Variants in PCDHGA12 observed in about 807,000 individuals in gnomAD.
PCDHGA12 encodes protocadherin gamma-A12.
In PCDHGA12, 43 loss-of-function variants were observed where a neutral mutation model predicts 61.1. The ratio of observed to expected loss-of-function variants is 0.70; its 90% CI spans 0.55 to 0.91. The LOEUF (loss-of-function observed/expected upper bound fraction) is 0.91, where lower values mean the gene tolerates loss of function less well. Among genes scored for constraint, PCDHGA12 ranks in the 40% least tolerant of loss-of-function variants. The pLI is 0.00. For missense variants in PCDHGA12, 1,236 were observed against 1,227.7 expected, an observed-to-expected ratio of 1.01 and a Z score of -0.10; for synonymous variants, 520 against 542.9, an observed-to-expected ratio of 0.96 and a Z score of 0.59.
chr5:141,460,224 T>C (rs986301555), intron 1 of PCDHGA12, among the ~76,000 whole-genome samples: 1 of 152,168 alleles, frequency 6.6e-6, no homozygotes, highest in African/African-American at 2.4e-5. Context: ...GTTGTGTCTT[T>C]TGAAGAGCAG....
At position 141,431,418 on chromosome 5, in the gene PCDHGA12, C is replaced by G. The variant is rs571505529; in HGVS notation, c.659C>G (p.Pro220Arg). The change falls in exon 1 of 4, where the codon CCG becomes CGG. Residue 220 changes from proline (P) to arginine (R), a missense_variant. Transcript: ENST00000252085. The surrounding 1 kb of genome is among the most constrained non-coding windows in gnomAD (Gnocchi z 4.8). ...LVLTASDGGD[P>R]VRTGTARIRV... ...CTTACGGCCTCCGACGGGGGCGACC[C>G]GGTGCGCACAGGCACCGCGCGCATC... is the stretch of plus-strand genomic sequence containing the variant. 6.8e-6 allele frequency: 11 copies of G among 1,613,588 alleles called. No homozygotes were observed. In the South Asian group the frequency reaches 1.1e-4, roughly 16 times the overall value.
rs1011731430 is a variant in PCDHGA12, at chr5:141,489,676, G to A, written c.2425-5131G>A. 6.2e-7 allele frequency: 1 copy of A among 1,614,158 alleles called. No individual in the cohort carries two copies. The highest frequency in any genetic ancestry group is 8.5e-7 in the Non-Finnish European group (1 of 1,180,008). On this transcript the variant is annotated intron_variant, in intron 1 of 3. Coordinates refer to ENST00000252085, the MANE Select transcript of PCDHGA12 (RefSeq NM_003735.3). This position sits in a 1 kb window ranked among gnomAD's most constrained non-coding sequence, Gnocchi z 4.5. ...GCGAGAGATGCGCATCTCAGAATCAGCAGCATCTGGGGCACGATTCCCACT... is the reference window on the plus strand; with the variant it reads ...GCGAGAGATGCGCATCTCAGAATCAACAGCATCTGGGGCACGATTCCCACT...
chr5:141,479,636 CA>C (rs1397283180), intron 1 of PCDHGA12: 1 of 152,080 alleles, frequency 6.6e-6, no homozygotes, highest in African/African-American at 2.4e-5. Flanking sequence ...TTAACAATAA[CA>C]ACAACAACAA....
chr5:141,508,777 AG>A (rs1428861784), intron 3 of PCDHGA12, among the ~76,000 whole-genome samples: 3 of 150,778 alleles, frequency 2.0e-5, no homozygotes, highest in Non-Finnish European at 4.4e-5. Context: ...TCCCCCCTCT[AG>A]CCCCTAAATC....
intron 3 of PCDHGA12, among the ~76,000 whole-genome samples, chr5:141,509,045 GC>G (rs1165443091): frequency 6.6e-6 from 1 of 152,060 alleles, no homozygotes; most frequent in Non-Finnish European, 1.5e-5. Context: ...CCTCTCCCCC[GC>G]CCCCAGAAAG....
chr5:141,476,725 C>G lies in PCDHGA12; in HGVS notation c.2425-18082C>G. On this transcript the variant is annotated intron_variant, in intron 1 of 3. Coordinates refer to ENST00000252085, the MANE Select transcript of PCDHGA12 (RefSeq NM_003735.3). This position sits in a 1 kb window ranked among gnomAD's most constrained non-coding sequence, Gnocchi z 7.6. ...AGCTGGTGTTGGAGCGCGCCCTGGA[C>G]CGAGAACGGGAGCCTAGTCTCCAGT... The G allele has an allele frequency of 6.2e-7, 1 of 1,614,132 alleles. No homozygotes were observed. Among genetic ancestry groups the G allele is most frequent in the Non-Finnish European group, 8.5e-7 (1 of 1,180,038 alleles).
At chr5:141,437,589 T>C (rs929281293) in intron 1 of PCDHGA12, among the ~76,000 whole-genome samples, 10 of 152,306 alleles carry the variant, frequency 6.6e-5, no homozygotes, top group African/African-American at 2.2e-4. Flanking sequence ...ATGAATTGGA[T>C]AGTTCTGGTG....
chr5:141,467,535 G>C (rs2099145685), intron 1 of PCDHGA12, among the ~76,000 whole-genome samples: 1 of 152,176 alleles, frequency 6.6e-6, no homozygotes, highest in South Asian at 2.1e-4. Flanking sequence ...GCTGAGATAT[G>C]GATCTGATTA....
At chr5:141,506,432 C>A (rs2099853359) in intron 3 of PCDHGA12, among the ~76,000 whole-genome samples, 1 of 132,482 alleles carries the variant, frequency 7.5e-6, no homozygotes, top group Non-Finnish European at 1.6e-5. Context: ...GGGCAACAGT[C>A]TCGCTCTGTC....
At chr5:141,454,789 G>T (rs1368681394) in intron 1 of PCDHGA12, among the ~76,000 whole-genome samples, 1 of 129,576 alleles carries the variant, frequency 7.7e-6, no homozygotes, top group African/African-American at 3.1e-5. Flanking sequence ...AATCCTCCAT[G>T]GTTCTAATTT....
Position 141,490,369 on chromosome 5 carries a change from C to T in PCDHGA12, c.2425-4438C>T, listed in dbSNP as rs201347968. On this transcript the variant is annotated intron_variant, in intron 1 of 3. Transcript: ENST00000252085. This position sits in a 1 kb window ranked among gnomAD's most constrained non-coding sequence, Gnocchi z 5.4. ...AGTGGGGTTGTTTAATGTGCGAGAC[C>T]GGGACTCAGGTAGAAATGGTGAAGT... The T allele has an allele frequency of 4.0e-5, 64 of 1,614,090 alleles. No individual in the cohort carries two copies. In the Admixed American group the frequency reaches 6.0e-4, roughly 15 times the overall value.
At chr5:141,478,231 T>C (rs1423148) in intron 1 of PCDHGA12, 739,438 of 1,613,786 alleles carry the variant, frequency 0.46, 177,434 homozygotes, top group African/African-American at 0.83. Flanking sequence ...CTGTGGGGTT[T>C]GTGGTCACAG....
intron 2 of PCDHGA12, among the ~76,000 whole-genome samples, chr5:141,497,171 C>T (rs991574648): frequency 6.6e-6 from 1 of 151,148 alleles, no homozygotes; most frequent in African/African-American, 2.5e-5. Context: ...CCACAAATCA[C>T]AGTAAGTTCT....
chr5:141,496,284 G>A (rs1052943936), intron 2 of PCDHGA12, among the ~76,000 whole-genome samples: 6 of 152,210 alleles, frequency 3.9e-5, no homozygotes, highest in Admixed American at 1.3e-4. Context: ...CAGTTGGTCT[G>A]AGCAGAGTGG....
In PCDHGA12 at chr5:141,433,160, A is replaced by G; in HGVS notation, c.2401A>G (p.Lys801Glu). 1.9e-6 allele frequency: 3 copies of G among 1,613,848 alleles called. No individual in the cohort carries two copies. The highest frequency in any genetic ancestry group is 1.7e-4 in the Middle Eastern group (1 of 6,058). Residue 801 changes from lysine to glutamate, a missense_variant, in exon 1 of 4, where the codon AAA becomes GAA. Transcript: ENST00000252085. ...LLLSGDSVFS[K>E]DSHGLIEQAP... ...GCTGTCAGGTGATTCGGTATTTTCTAAAGACAGTCATGGGTTAATTGAGGT... is the reference window on the plus strand; with the variant it reads ...GCTGTCAGGTGATTCGGTATTTTCTGAAGACAGTCATGGGTTAATTGAGGT...
intron 3 of PCDHGA12, among the ~76,000 whole-genome samples, chr5:141,509,766 G>A (rs1176830940): frequency 6.6e-6 from 1 of 152,104 alleles, no homozygotes; most frequent in Non-Finnish European, 1.5e-5. Flanking sequence ...TCCCTGAGAT[G>A]TCTAGTCCCC....
intron 1 of PCDHGA12, among the ~76,000 whole-genome samples, chr5:141,480,672 T>A (rs1053078255): frequency 2.0e-5 from 3 of 152,166 alleles, no homozygotes; most frequent in African/African-American, 7.2e-5. Context: ...CCTAGAGACC[T>A]TTTAAAAATT....
intron 1 of PCDHGA12, chr5:141,478,884 C>T (rs767294994): frequency 9.2e-5 from 110 of 1,194,180 alleles, no homozygotes; most frequent in Non-Finnish European, 1.2e-4. Context: ...AGCTTGGTAT[C>T]ATTTACATTA....
intron 1 of PCDHGA12, among the ~76,000 whole-genome samples, chr5:141,456,101 G>A (rs1231843666): frequency 6.6e-6 from 1 of 151,970 alleles, no homozygotes; most frequent in African/African-American, 2.4e-5. Context: ...ATTTCACCGT[G>A]TTAGCCAGGA....
Sources: gnomAD v4.1 joint callset for allele counts (sites outside exome capture counted in the v4.1 genomes callset) on GRCh38, gnomAD v4.1.1 for gene constraint, Gnocchi (gnomAD v3.1) non-coding constraint, MANE v1.5 for transcripts, NCBI Gene and HGNC (gene_info 2026-07-23, HGNC 2026-07-21) for gene names.